Variants in IGF2BP2 observed in about 807,000 individuals in gnomAD.
The protein encoded by IGF2BP2 is insulin-like growth factor 2 mRNA-binding protein 2.
A neutral mutation model predicts 75.8 loss-of-function variants in IGF2BP2; 17 were observed. That is an observed-to-expected ratio of 0.22 (90% CI 0.15 to 0.34). The LOEUF is 0.34. Ranked by LOEUF, IGF2BP2 falls within the 10% of genes least tolerant of loss-of-function variation. The pLI is 1.00. For synonymous variants in IGF2BP2, 288 were observed against 295.6 expected, an observed-to-expected ratio of 0.97 and a Z score of 0.26; for missense variants, 516 against 772.4, an observed-to-expected ratio of 0.67 and a Z score of 3.93.
chr3:185,769,199 G>A (rs1733525974), intron 2 of IGF2BP2, among the ~76,000 whole-genome samples: 1 of 151,934 alleles, frequency 6.6e-6, no homozygotes, highest in Non-Finnish European at 1.5e-5. Flanking sequence ...TTAAAAATTA[G>A]CTGAGCATGG....
intron 2 of IGF2BP2, among the ~76,000 whole-genome samples, chr3:185,704,019 T>G (rs1488917602): frequency 3.3e-5 from 5 of 152,136 alleles, no homozygotes; most frequent in Non-Finnish European, 5.9e-5. Flanking sequence ...AACTGGAGGA[T>G]TCCCAGGTAA....
intron 14 of IGF2BP2, 103 bp downstream of exon 14, chr3:185,649,300 G>A (rs924110061): frequency 1.2e-5 from 17 of 1,449,648 alleles, no homozygotes; most frequent in South Asian, 2.6e-5. Context: ...GACCCTGACT[G>A]TACATTGGGA....
chr3:185,686,538 G>GGA (rs1290968005), intron 7 of IGF2BP2, among the ~76,000 whole-genome samples: 1 of 152,086 alleles, frequency 6.6e-6, no homozygotes, highest in East Asian at 1.9e-4. Context: ...AAGCATGGTG[G>GGA]GAGAAATCTT....
chr3:185,649,307 G>T, intron 14 of IGF2BP2, 96 bp downstream of exon 14: 1 of 1,486,070 alleles, frequency 6.7e-7, no homozygotes, highest in Non-Finnish European at 9.2e-7. Context: ...ACTGTACATT[G>T]GGACAGAAGG....
At chr3:185,765,862 A>G (rs1238003326) in intron 2 of IGF2BP2, among the ~76,000 whole-genome samples, 1 of 152,226 alleles carries the variant, frequency 6.6e-6, no homozygotes, top group Non-Finnish European at 1.5e-5. Context: ...TTTGGGGGGA[A>G]AATTCTTGTC....
At chr3:185,691,866 C>G (rs1721994622) in intron 5 of IGF2BP2, among the ~76,000 whole-genome samples, 2 of 152,148 alleles carry the variant, frequency 1.3e-5, no homozygotes, top group African/African-American at 4.8e-5. Context: ...TCCCAAGTAG[C>G]TGGAACTACA....
At chr3:185,665,274 GAA>G (rs1351809429) in intron 10 of IGF2BP2, among the ~76,000 whole-genome samples, 7 of 140,762 alleles carry the variant, frequency 5.0e-5, no homozygotes, top group African/African-American at 1.6e-4. Context: ...AGGAGGAGGA[GAA>G]GGAGAAGAAG....
At chr3:185,759,258 C>T (rs1037597980) in intron 2 of IGF2BP2, among the ~76,000 whole-genome samples, 13 of 152,026 alleles carry the variant, frequency 8.6e-5, no homozygotes, top group African/African-American at 2.9e-4. Flanking sequence ...CAAAGAGAAA[C>T]GGAAAAAAAG....
chr3:185,713,420 T>G (rs374914818), intron 2 of IGF2BP2: 3 of 519,948 alleles, frequency 5.8e-6, no homozygotes, highest in Non-Finnish European at 1.2e-5. Context: ...AGTGGGCGGC[T>G]TGGTTTAATG....
intron 2 of IGF2BP2, among the ~76,000 whole-genome samples, chr3:185,711,217 G>A (rs1297222202): frequency 1.3e-5 from 2 of 152,218 alleles, no homozygotes; most frequent in Non-Finnish European, 2.9e-5. Flanking sequence ...AATTTTGGGA[G>A]ACTAGACTTT....
intron 2 of IGF2BP2, among the ~76,000 whole-genome samples, chr3:185,773,021 G>C (rs1734088239): frequency 6.6e-6 from 1 of 152,162 alleles, no homozygotes; most frequent in Admixed American, 6.5e-5. Flanking sequence ...GGAATATAGA[G>C]GTGCTCCAGG....
intron 2 of IGF2BP2, among the ~76,000 whole-genome samples, chr3:185,715,691 T>C (rs888116979): frequency 2.6e-4 from 39 of 152,154 alleles, no homozygotes; most frequent in African/African-American, 9.2e-4. Context: ...TTGCCCAGGC[T>C]GGAGTGCAAT....
intron 2 of IGF2BP2, chr3:185,717,568 T>C (rs1725835699): frequency 6.6e-6 from 1 of 152,190 alleles, no homozygotes; most frequent in Non-Finnish European, 1.5e-5. Flanking sequence ...TTGTAAAGGC[T>C]AGAAGAAAAG....
intron 10 of IGF2BP2, among the ~76,000 whole-genome samples, chr3:185,671,544 A>G: frequency 6.6e-6 from 1 of 151,948 alleles, no homozygotes; most frequent in Non-Finnish European, 1.5e-5. Flanking sequence ...TCAAAAAAAA[A>G]AAAAAAAGAA....
intron 5 of IGF2BP2, among the ~76,000 whole-genome samples, chr3:185,691,628 T>A (rs1163896865): frequency 6.6e-6 from 1 of 152,100 alleles, no homozygotes. Flanking sequence ...GTTGTTCTTT[T>A]AAAGATGGGG....
chr3:185,675,307 G>A lies in IGF2BP2; in HGVS notation c.1060C>T (p.Leu354=). The part of the protein sequence containing the change: ...KLREAFENDM[L]AVNQQANLIP... Reference sequence around the variant, plus strand: ...CATTAGGGACTTACGTTAACAGCCAGCATATCATTTTCAAAGGCCTCACGC... The same window carrying A: ...CATTAGGGACTTACGTTAACAGCCAACATATCATTTTCAAAGGCCTCACGC... Residue 354 remains leucine, a synonymous_variant, in exon 9 of 16, where the codon CTG becomes TTG. Transcript: ENST00000382199. The A allele has an allele frequency of 1.9e-6, 3 of 1,608,410 alleles. No homozygotes were observed. Among genetic ancestry groups the A allele is most frequent in the Non-Finnish European group, 2.5e-6 (3 of 1,179,022 alleles).
chr3:185,761,966 T>C (rs1019915584), intron 2 of IGF2BP2, among the ~76,000 whole-genome samples: 1 of 152,204 alleles, frequency 6.6e-6, no homozygotes, highest in African/African-American at 2.4e-5. Context: ...TCCTTTCCCA[T>C]GTGATAAACT....
rs16860189 is a variant in IGF2BP2 at position 185,713,219 on chromosome 3, T to C, written c.240-14872A>G. On this transcript the variant is annotated intron_variant, in intron 2 of 15. Transcript: ENST00000382199. ...AACCACCAGGTCAAAGTTCACATTT[T>C]CACTGCATAGAAACAGAACTCTGGC... is the stretch of plus-strand genomic sequence containing the variant. The C allele has an allele frequency of 2.1e-3, 746 of 348,900 alleles. 6 individuals are homozygous for C. The highest frequency in any genetic ancestry group is 0.013 in the African/African-American group (621 of 46,792). The allele number at this position is 348,900 out of a possible 1,614,324, so 21.6% of individuals were successfully genotyped here.
chr3:185,696,804 TC>T, intron 3 of IGF2BP2, 141 bp from the exon 4 acceptor site: 1 of 716,696 alleles, frequency 1.4e-6, no homozygotes, highest in Non-Finnish European at 2.4e-6. Flanking sequence ...ATATCTCAGG[TC>T]TTCCATAAAA....
Sources: allele counts gnomAD v4.1 joint callset (sites outside exome capture counted in the v4.1 genomes callset), GRCh38; gene constraint gnomAD v4.1.1; transcripts MANE v1.5; gene names NCBI Gene and HGNC (gene_info 2026-07-23, HGNC 2026-07-21).